The following SESTD1 variants were observed in gnomAD, a reference collection of about 807,000 sequenced individuals.
SESTD1 encodes SEC14 and spectrin domain containing 1.
In SESTD1, 43 loss-of-function variants were observed where a neutral mutation model predicts 101.7. The ratio of observed to expected loss-of-function variants is 0.42; its 90% CI spans 0.33 to 0.55. SESTD1 has a LOEUF of 0.55. Ranked by LOEUF, SESTD1 falls within the 20% of genes least tolerant of loss-of-function variation. The pLI is 0.07. For missense variants in SESTD1, 647 were observed against 815.1 expected (o/e 0.79, Z 2.51); for synonymous variants, 283 against 286.8 (o/e 0.99, Z 0.13).
intron 1 of SESTD1, among the ~76,000 whole-genome samples, chr2:179,229,391 T>C (rs988099183): frequency 1.1e-4 from 16 of 152,106 alleles, no homozygotes; most frequent in African/African-American, 3.9e-4. Context: ...TACACCATTG[T>C]TGCTCCTAGT....
Position 179,106,358 on chromosome 2 carries a change from G to A in SESTD1, c.*3541C>T, listed in dbSNP as rs1362824854. ...TGTACTTTGGGTAGGATGTGAGAAG[G>A]GGAGTAGTACATAATAATGCCCAAT... On this transcript the variant is annotated 3_prime_UTR_variant, in exon 18 of 18. Coordinates refer to ENST00000428443, the MANE Select transcript of SESTD1 (RefSeq NM_178123.5). 1 of 152,126 alleles carries A rather than the reference G, an allele frequency of 6.6e-6. No individual in the cohort carries two copies. The highest frequency in any genetic ancestry group is 1.5e-5 in the Non-Finnish European group (1 of 68,022). 9.4% of individuals were successfully genotyped at this position (152,126 alleles called of 1,614,324 possible).
chr2:179,149,972 A>G (rs2045482464), intron 6 of SESTD1, among the ~76,000 whole-genome samples: 1 of 152,206 alleles, frequency 6.6e-6, no homozygotes, highest in Non-Finnish European at 1.5e-5. Context: ...TCATGCCTGT[A>G]ATCCCAGCAT....
intron 17 of SESTD1, among the ~76,000 whole-genome samples, chr2:179,111,938 C>T (rs2044518254): frequency 6.6e-6 from 1 of 152,152 alleles, no homozygotes; most frequent in Admixed American, 6.5e-5. Flanking sequence ...CCAGGATGGT[C>T]TCCATCTCCT....
In SESTD1 at chr2:179,105,875, T is replaced by G. The variant is rs1212539462; in HGVS notation, c.*4024A>C. 6.6e-6 allele frequency: 1 copy of G among 152,214 alleles called. No homozygotes were observed. 9.4% of individuals were successfully genotyped at this position (152,214 alleles called of 1,614,324 possible). ...ATTATATTCATTACAGTTCTTGTTT[T>G]AGCTGGTATGTTCTTTCCTCTACAA... On this transcript the variant is annotated 3_prime_UTR_variant, in exon 18 of 18. Transcript: ENST00000428443.
chr2:179,234,860 G>A (rs2047043656), intron 1 of SESTD1, among the ~76,000 whole-genome samples: 3 of 151,482 alleles, frequency 2.0e-5, no homozygotes, highest in Admixed American at 1.3e-4. Flanking sequence ...TGTAATCCCA[G>A]TACTTTGGAA....
At chr2:179,166,874 G>C (rs909431312) in intron 5 of SESTD1, among the ~76,000 whole-genome samples, 2 of 152,294 alleles carry the variant, frequency 1.3e-5, no homozygotes, top group Admixed American at 6.5e-5. Flanking sequence ...CTCAATTCCT[G>C]GTTAGAACTC....
intron 5 of SESTD1, among the ~76,000 whole-genome samples, chr2:179,169,009 A>AACG (rs945715451): frequency 3.8e-4 from 58 of 152,312 alleles, no homozygotes; most frequent in African/African-American, 1.3e-3. Flanking sequence ...ACAAGCCAAT[A>AACG]ACGGAGTGAG....
At chr2:179,141,572 A>T (rs1052900117) in intron 9 of SESTD1, among the ~76,000 whole-genome samples, 9 of 152,060 alleles carry the variant, frequency 5.9e-5, no homozygotes, top group Admixed American at 4.6e-4. Flanking sequence ...TGTGCCAGAC[A>T]CTAAATATTT....
rs868424618 is a variant in SESTD1 at position 179,149,454 on chromosome 2, G to A, written c.484-60C>T. On this transcript the variant is annotated intron_variant, in intron 6 of 17. Transcript: ENST00000428443. ...GTCTTAAAAATTAATATGTAATAAG[G>A]ATTGTCAGTTAAGAGTAATAGAATT... is the stretch of plus-strand genomic sequence containing the variant. 87 of 1,176,618 alleles carry A rather than the reference G, an allele frequency of 7.4e-5. 1 individual carries two copies. The Middle Eastern group carries it at 2.4e-3, about 32-fold the overall frequency. The allele number at this position is 1,176,618 out of a possible 1,614,324, so 72.9% of individuals were successfully genotyped here. A position where few individuals can be genotyped will look rare whatever the true frequency, so the allele number is the denominator to read the frequency against.
In SESTD1 at chr2:179,107,633, T is replaced by C. The variant is rs984653620; in HGVS notation, c.*2266A>G. The C allele has an allele frequency of 5.3e-5, 8 of 152,148 alleles. No individual in the cohort carries two copies. The highest frequency in any genetic ancestry group is 1.0e-4 in the Non-Finnish European group (7 of 67,996). The allele number at this position is 152,148 out of a possible 1,614,324, so 9.4% of individuals were successfully genotyped here. A position where few individuals can be genotyped will look rare whatever the true frequency, so the allele number is the denominator to read the frequency against. On this transcript the variant is annotated 3_prime_UTR_variant, in exon 18 of 18. Transcript: ENST00000428443. Reference sequence around the variant, plus strand: ...AATAGATTCACTTGTAAGTCAGTTCTAACTTTAAAAAAGTATGTTTAAAAC... The same window carrying C: ...AATAGATTCACTTGTAAGTCAGTTCCAACTTTAAAAAAGTATGTTTAAAAC...
chr2:179,154,491 A>C (rs1486969304), intron 5 of SESTD1, among the ~76,000 whole-genome samples: 1 of 152,172 alleles, frequency 6.6e-6, no homozygotes, highest in African/African-American at 2.4e-5. Flanking sequence ...GAAGTAAGAG[A>C]TCTAGACACT....
At chr2:179,195,070 C>G in intron 1 of SESTD1, among the ~76,000 whole-genome samples, 1 of 152,184 alleles carries the variant, frequency 6.6e-6, no homozygotes, top group East Asian at 1.9e-4. Context: ...GCTTTAGAAG[C>G]CTCCAGCCCA....
At chr2:179,143,164 T>C (rs1246495183) in intron 9 of SESTD1, among the ~76,000 whole-genome samples, 1 of 152,128 alleles carries the variant, frequency 6.6e-6, no homozygotes, top group Non-Finnish European at 1.5e-5. Flanking sequence ...CTATCAATAT[T>C]ATAAAAAATT....
chr2:179,186,405 A>G (rs2046233413), intron 2 of SESTD1, among the ~76,000 whole-genome samples: 1 of 152,188 alleles, frequency 6.6e-6, no homozygotes, highest in Non-Finnish European at 1.5e-5. Context: ...AAGTGTATAT[A>G]AACAGTTTTG....
intron 1 of SESTD1, among the ~76,000 whole-genome samples, chr2:179,198,073 T>G (rs972908454): frequency 2.6e-5 from 4 of 152,174 alleles, no homozygotes; most frequent in African/African-American, 9.6e-5. Context: ...CCACCTCACA[T>G]GCAGAGACAC....
At chr2:179,230,110 TCTC>T (rs1311641067) in intron 1 of SESTD1, among the ~76,000 whole-genome samples, 1 of 122,104 alleles carries the variant, frequency 8.2e-6, no homozygotes, top group African/African-American at 3.0e-5. Flanking sequence ...CTGGATTGTA[TCTC>T]TTTTTTTTTT....
intron 1 of SESTD1, among the ~76,000 whole-genome samples, chr2:179,235,310 TACTGTCTCATGAAAATATGA>T (rs1198894793): frequency 6.6e-6 from 1 of 152,166 alleles, no homozygotes; most frequent in African/African-American, 2.4e-5. Flanking sequence ...CAGAAACAAA[TACTGTCTCATGAAAATATGA>T]AACCAAATAT....
chr2:179,135,409 A>G (rs1023681435), intron 9 of SESTD1, among the ~76,000 whole-genome samples: 9 of 152,086 alleles, frequency 5.9e-5, no homozygotes, highest in African/African-American at 2.2e-4. Context: ...TATGTTCTAG[A>G]GTCTTAAAGA....
intron 1 of SESTD1, among the ~76,000 whole-genome samples, chr2:179,192,085 C>G (rs981384379): frequency 3.3e-5 from 5 of 152,162 alleles, no homozygotes; most frequent in African/African-American, 1.2e-4. Flanking sequence ...ACCTCCCTTT[C>G]CCAGCTGTGA....
Sources: gnomAD v4.1 joint callset for allele counts (sites outside exome capture counted in the v4.1 genomes callset) on GRCh38, gnomAD v4.1.1 for gene constraint, MANE v1.5 for transcripts, NCBI Gene and HGNC (gene_info 2026-07-23, HGNC 2026-07-21) for gene names.